The following MAP4K4 variants were observed in gnomAD, a reference collection of about 807,000 sequenced individuals.
MAP4K4 encodes mitogen-activated protein kinase kinase kinase kinase 4.
Under a neutral mutation model 189.6 loss-of-function variants are expected in MAP4K4, and 38 were observed. The ratio of observed to expected loss-of-function variants is 0.20; its 90% CI spans 0.15 to 0.26. MAP4K4 has a LOEUF of 0.26. MAP4K4 is among the 10% of genes least tolerant of loss of function. The probability of loss-of-function intolerance (pLI) is 1.00; values close to 1 mark genes in which losing one functional copy is unlikely to be tolerated. For synonymous variants in MAP4K4, 610 were observed against 624.3 expected (o/e 0.98, Z 0.34); for missense variants, 1,054 against 1,726.9 (o/e 0.61, Z 6.91).
At chr2:101,775,180 T>C (rs764007013) in intron 2 of MAP4K4, among the ~76,000 whole-genome samples, 4 of 151,912 alleles carry the variant, frequency 2.6e-5, no homozygotes, top group African/African-American at 4.8e-5. Flanking sequence ...GGGGCCATTA[T>C]TGGTACAGTT....
chr2:101,867,685 C>G (rs1017178755), intron 20 of MAP4K4: 1 of 379,830 alleles, frequency 2.6e-6, no homozygotes, highest in Non-Finnish European at 4.7e-6. Flanking sequence ...TTGGCATTAA[C>G]CTTTACTTAT....
At chr2:101,770,730 A>C (rs2081017164) in intron 2 of MAP4K4, among the ~76,000 whole-genome samples, 1 of 152,180 alleles carries the variant, frequency 6.6e-6, no homozygotes, top group South Asian at 2.1e-4. Context: ...CCTACTGCCC[A>C]TGGATTGAAC....
chr2:101,867,768 G>C, intron 20 of MAP4K4: 1 of 473,972 alleles, frequency 2.1e-6, no homozygotes, highest in Middle Eastern at 5.4e-4. Context: ...TAAACTCACT[G>C]GTTGCCTACC....
intron 27 of MAP4K4, among the ~76,000 whole-genome samples, chr2:101,877,469 C>T (rs111461778): frequency 0.03 from 4,484 of 149,440 alleles, 236 homozygotes; most frequent in African/African-American, 0.11. Flanking sequence ...CACTCCTTTC[C>T]ACCAGACTTT....
chr2:101,776,053 G>T (rs1195307631), intron 2 of MAP4K4, among the ~76,000 whole-genome samples: 3 of 152,222 alleles, frequency 2.0e-5, no homozygotes, highest in Admixed American at 2.0e-4. Context: ...TTGGGAATGT[G>T]AGTTTTGGTG....
chr2:101,792,627 C>CCTT (rs764109396), intron 3 of MAP4K4, among the ~76,000 whole-genome samples: 43 of 141,660 alleles, frequency 3.0e-4, no homozygotes, highest in African/African-American at 1.0e-3. Context: ...TCCTCCTCCT[C>CCTT]CTTCTTCTTT....
intron 2 of MAP4K4, among the ~76,000 whole-genome samples, chr2:101,745,559 A>G (rs940638270): frequency 3.3e-5 from 5 of 151,924 alleles, no homozygotes; most frequent in Non-Finnish European, 7.4e-5. Flanking sequence ...TTGTATGTGT[A>G]ACTCTGATAT....
At chr2:101,821,821 C>A (rs1277866694) in intron 3 of MAP4K4, among the ~76,000 whole-genome samples, 1 of 152,224 alleles carries the variant, frequency 6.6e-6, no homozygotes, top group Non-Finnish European at 1.5e-5. Context: ...TTTGTAATAA[C>A]AGCTTAAAAA....
intron 2 of MAP4K4, among the ~76,000 whole-genome samples, chr2:101,723,669 G>A (rs2053558067): frequency 6.6e-6 from 1 of 152,174 alleles, no homozygotes; most frequent in Non-Finnish European, 1.5e-5. Context: ...AAGGTTTGAA[G>A]TATTAACTGC....
intron 5 of MAP4K4, among the ~76,000 whole-genome samples, chr2:101,827,119 AT>A (rs1466615254): frequency 6.6e-6 from 1 of 152,154 alleles, no homozygotes; most frequent in African/African-American, 2.4e-5. Context: ...ACCTTTAGCC[AT>A]TTTACCATCA....
chr2:101,886,791 C>G (rs2098490942), intron 29 of MAP4K4, among the ~76,000 whole-genome samples: 1 of 152,086 alleles, frequency 6.6e-6, no homozygotes, highest in Non-Finnish European at 1.5e-5. Flanking sequence ...CCTGTAATTC[C>G]AGCACTTTGG....
In MAP4K4 at chr2:101,856,655, TTAA is replaced by T. The variant is rs576841872; in HGVS notation, c.1395+523_1395+525del. Among the ~76,000 whole-genome samples the T allele has an allele frequency of 5.1e-4, 78 of 152,324 alleles. 1 individual carries two copies. The highest frequency in any genetic ancestry group is 1.8e-3 in the African/African-American group (74 of 41,580). On this transcript the variant is annotated intron_variant, in intron 13 of 32. Coordinates refer to ENST00000324219, the Ensembl canonical transcript of MAP4K4. ...GAGTTCAACCAAAAAAGATCAGGTT[TTAA>T]TAATATTTGCAGCATTTTATTAATG...
At chr2:101,701,385 A>G (rs920352840) in intron 2 of MAP4K4, among the ~76,000 whole-genome samples, 2 of 152,126 alleles carry the variant, frequency 1.3e-5, no homozygotes, top group African/African-American at 2.4e-5. Context: ...CAGTAGGGCT[A>G]AGAGTGACCT....
chr2:101,734,673 C>T (rs1448923624), intron 2 of MAP4K4, among the ~76,000 whole-genome samples: 1 of 152,152 alleles, frequency 6.6e-6, no homozygotes, highest in Non-Finnish European at 1.5e-5. Context: ...GCTTGGTGGC[C>T]AGTGGGCTGG....
At chr2:101,762,612 A>G (rs2076960167) in intron 2 of MAP4K4, among the ~76,000 whole-genome samples, 1 of 152,240 alleles carries the variant, frequency 6.6e-6, no homozygotes, top group Admixed American at 6.5e-5. Context: ...TATTAAGGGC[A>G]TGGCCATCTA....
chr2:101,712,105 A>G (rs1451205674), intron 2 of MAP4K4, among the ~76,000 whole-genome samples: 1 of 151,784 alleles, frequency 6.6e-6, no homozygotes, highest in Non-Finnish European at 1.5e-5. Context: ...CTACCTTCAA[A>G]TGATATTATA....
intron 27 of MAP4K4, among the ~76,000 whole-genome samples, chr2:101,880,627 G>A (rs1455714770): frequency 6.6e-6 from 1 of 151,646 alleles, no homozygotes; most frequent in East Asian, 1.9e-4. Flanking sequence ...TCCTGCCTCA[G>A]CCTCCCGAGT....
At chr2:101,722,795 C>T (rs2052967585) in intron 2 of MAP4K4, among the ~76,000 whole-genome samples, 1 of 152,206 alleles carries the variant, frequency 6.6e-6, no homozygotes, top group African/African-American at 2.4e-5. Context: ...GAATTTATTT[C>T]CTATCCATGT....
intron 2 of MAP4K4, among the ~76,000 whole-genome samples, chr2:101,785,231 A>G (rs1307677220): frequency 3.9e-5 from 6 of 152,248 alleles, no homozygotes; most frequent in Non-Finnish European, 7.3e-5. Context: ...TATGAGTACA[A>G]AAGTTTTATG....
Sources: allele counts gnomAD v4.1 joint callset (sites outside exome capture counted in the v4.1 genomes callset), GRCh38; gene constraint gnomAD v4.1.1; transcripts MANE v1.5; gene names NCBI Gene and HGNC (gene_info 2026-07-23, HGNC 2026-07-21).